The following CCDC91 variants were observed in gnomAD, a reference collection of about 807,000 sequenced individuals.
CCDC91 encodes coiled-coil domain-containing protein 91.
A neutral mutation model predicts 63.2 loss-of-function variants in CCDC91; 48 were observed. The observed-to-expected ratio is 0.76, with a 90% confidence interval of 0.60 to 0.97. The LOEUF is 0.97. CCDC91 is among the 50% of genes least tolerant of loss of function. The pLI, the probability that CCDC91 is intolerant of heterozygous loss-of-function variation, is 0.00. For synonymous variants in CCDC91, 167 were observed against 165.8 expected (o/e 1.01, Z -0.06); for missense variants, 500 against 494.6 (o/e 1.01, Z -0.10).
Position 28,437,736 on chromosome 12 carries a change from A to C in CCDC91, c.763-12425A>C, listed in dbSNP as rs143515301. Among the ~76,000 whole-genome samples, 29 of 152,222 alleles carry C rather than the reference A, an allele frequency of 1.9e-4. 1 individual carries two copies. The East Asian group carries it at 5.0e-3, about 26-fold the overall frequency. ...CCTGTGCCTCTTATCACTGGTTTCAACACTTTTCATTTTCCTTTTTTTTTA... is the reference window on the plus strand; with the variant it reads ...CCTGTGCCTCTTATCACTGGTTTCACCACTTTTCATTTTCCTTTTTTTTTA... On this transcript the variant is annotated intron_variant, in intron 8 of 12. Coordinates refer to ENST00000536442, the MANE Select transcript of CCDC91 (RefSeq NM_018318.5).
chr12:28,438,681 T>C (rs565818900), intron 8 of CCDC91, among the ~76,000 whole-genome samples: 38 of 152,244 alleles, frequency 2.5e-4, no homozygotes, highest in African/African-American at 8.7e-4. Flanking sequence ...TTTTTCAACT[T>C]TCTGATGTGA....
intron 7 of CCDC91, among the ~76,000 whole-genome samples, chr12:28,372,508 A>T (rs544597255): frequency 1.3e-5 from 2 of 149,886 alleles, no homozygotes; most frequent in African/African-American, 2.5e-5. Flanking sequence ...TTTTTTTAAA[A>T]TTTTTTAGCA....
At chr12:28,267,863 TTATA>T (rs377569125) in intron 3 of CCDC91, among the ~76,000 whole-genome samples, 1 of 44,776 alleles carries the variant, frequency 2.2e-5, no homozygotes, top group Non-Finnish European at 4.9e-5. Flanking sequence ...TAATATATAA[TTATA>T]TATAATTATA....
At chr12:28,447,190 G>T (rs1949544601) in intron 8 of CCDC91, among the ~76,000 whole-genome samples, 1 of 152,066 alleles carries the variant, frequency 6.6e-6, no homozygotes, top group South Asian at 2.1e-4. Context: ...TTTTTAAAGT[G>T]AAAAATTGGG....
chr12:28,370,886 C>T (rs955957149), intron 7 of CCDC91, among the ~76,000 whole-genome samples: 1 of 152,022 alleles, frequency 6.6e-6, no homozygotes, highest in African/African-American at 2.4e-5. Context: ...CATGAGAACT[C>T]ACTCACTATC....
intron 3 of CCDC91, chr12:28,268,795 C>T (rs1163969535): frequency 2.4e-6 from 1 of 422,144 alleles, no homozygotes; most frequent in Non-Finnish European, 3.2e-6. Flanking sequence ...CAATATGAGA[C>T]TAAGAAAAAT....
At chr12:28,437,318 CTTG>C (rs1013544636) in intron 8 of CCDC91, among the ~76,000 whole-genome samples, 1 of 151,880 alleles carries the variant, frequency 6.6e-6, no homozygotes, top group African/African-American at 2.4e-5. Flanking sequence ...ACCATACTCC[CTTG>C]TTGTACATTT....
At chr12:28,395,032 T>A (rs993901957) in intron 8 of CCDC91, among the ~76,000 whole-genome samples, 1 of 152,224 alleles carries the variant, frequency 6.6e-6, no homozygotes, top group African/African-American at 2.4e-5. Flanking sequence ...ACTGTTTGTA[T>A]AGCTAGTATC....
intron 7 of CCDC91, among the ~76,000 whole-genome samples, chr12:28,382,459 A>G (rs1298689455): frequency 6.6e-6 from 1 of 152,054 alleles, no homozygotes; most frequent in African/African-American, 2.4e-5. Flanking sequence ...TTTCACCATT[A>G]ATGTAAAAAA....
intron 7 of CCDC91, among the ~76,000 whole-genome samples, chr12:28,382,068 T>C (rs538676814): frequency 6.6e-6 from 1 of 152,242 alleles, no homozygotes; most frequent in South Asian, 2.1e-4. Context: ...GAAGTATTTA[T>C]ACTTGTTATC....
At chr12:28,487,198 G>T (rs1393832151) in intron 12 of CCDC91, among the ~76,000 whole-genome samples, 1 of 151,638 alleles carries the variant, frequency 6.6e-6, no homozygotes, top group Non-Finnish European at 1.5e-5. Flanking sequence ...CTTCCACTTT[G>T]GGATTTTAAA....
At chr12:28,320,315 T>C (rs1380695338) in intron 6 of CCDC91, among the ~76,000 whole-genome samples, 1 of 151,858 alleles carries the variant, frequency 6.6e-6, no homozygotes, top group African/African-American at 2.4e-5. Flanking sequence ...CCAAGGAACA[T>C]TCCCAGAGTG....
chr12:28,317,792 A>T (rs1940053885), intron 6 of CCDC91, among the ~76,000 whole-genome samples: 1 of 151,978 alleles, frequency 6.6e-6, no homozygotes, highest in African/African-American at 2.4e-5. Context: ...GCACTGAAAC[A>T]TATAACTTGT....
chr12:28,359,911 A>G (rs1943768073), intron 6 of CCDC91, among the ~76,000 whole-genome samples: 1 of 152,222 alleles, frequency 6.6e-6, no homozygotes, highest in Non-Finnish European at 1.5e-5. Context: ...ATAACTTGAC[A>G]TGAATGGGAG....
intron 1 of CCDC91, among the ~76,000 whole-genome samples, chr12:28,234,098 A>G (rs1306006651): frequency 6.6e-6 from 1 of 152,150 alleles, no homozygotes; most frequent in East Asian, 1.9e-4. Context: ...AGGGATTATA[A>G]TATTAGCTCC....
intron 3 of CCDC91, among the ~76,000 whole-genome samples, chr12:28,298,743 A>AAACAT (rs1565755553): frequency 7.1e-6 from 1 of 140,230 alleles, no homozygotes; most frequent in Non-Finnish European, 1.6e-5. Flanking sequence ...AAAAACAACA[A>AAACAT]CAACAACAAC....
chr12:28,360,908 G>GT (rs1422848657), intron 6 of CCDC91, among the ~76,000 whole-genome samples: 3 of 151,174 alleles, frequency 2.0e-5, no homozygotes, highest in Admixed American at 6.6e-5. Flanking sequence ...GTATGTGTTT[G>GT]TTTTTTTTAG....
chr12:28,477,987 C>G (rs563420870), intron 11 of CCDC91, among the ~76,000 whole-genome samples: 1 of 152,250 alleles, frequency 6.6e-6, no homozygotes, highest in Admixed American at 6.5e-5. Context: ...GAACAACATT[C>G]CATGCTCATG....
intron 8 of CCDC91, among the ~76,000 whole-genome samples, chr12:28,407,199 C>G (rs544479543): frequency 1.5e-4 from 23 of 152,254 alleles, no homozygotes; most frequent in Admixed American, 1.1e-3. Flanking sequence ...GGAGATGCTT[C>G]TGTGTTTTCT....
Sources: allele counts gnomAD v4.1 joint callset (sites outside exome capture counted in the v4.1 genomes callset), GRCh38; gene constraint gnomAD v4.1.1; transcripts MANE v1.5; gene names NCBI Gene and HGNC (gene_info 2026-07-23, HGNC 2026-07-21).